The following EML4 variants were observed in gnomAD, a reference collection of about 807,000 sequenced individuals.
EML4 encodes echinoderm microtubule-associated protein-like 4.
Under a neutral mutation model 129.0 loss-of-function variants are expected in EML4, and 72 were observed. That is an observed-to-expected ratio of 0.56 (90% CI 0.46 to 0.68). EML4 has a LOEUF of 0.68. EML4 is among the 30% of genes least tolerant of loss of function. The pLI, the probability that EML4 is intolerant of heterozygous loss-of-function variation, is 0.00. For synonymous variants in EML4, 532 were observed against 405.0 expected (o/e 1.31, Z -3.77); for missense variants, 1,363 against 1,190.6 (o/e 1.14, Z -2.13).
chr2:42,307,356 G>A (rs1668666380), intron 17 of EML4, among the ~76,000 whole-genome samples: 1 of 152,230 alleles, frequency 6.6e-6, no homozygotes, highest in African/African-American at 2.4e-5. Context: ...CTTCATGAGA[G>A]TGATGTGATA....
chr2:42,328,101 A>T (rs986849796), intron 21 of EML4, among the ~76,000 whole-genome samples: 1 of 152,212 alleles, frequency 6.6e-6, no homozygotes, highest in Non-Finnish European at 1.5e-5. Context: ...ATTTTAATGA[A>T]GACATTATTT....
intron 10 of EML4, among the ~76,000 whole-genome samples, chr2:42,286,815 G>A (rs1198383252): frequency 1.3e-5 from 2 of 152,184 alleles, no homozygotes; most frequent in Admixed American, 1.3e-4. Flanking sequence ...TCATATTTGA[G>A]CAGCAGAAAC....
chr2:42,240,504 G>T (rs184371008), intron 1 of EML4, among the ~76,000 whole-genome samples: 1 of 152,180 alleles, frequency 6.6e-6, no homozygotes, highest in Non-Finnish European at 1.5e-5. Context: ...CAATTATTCA[G>T]TACATATTGT....
chr2:42,194,045 C>T (rs973677743), intron 1 of EML4, among the ~76,000 whole-genome samples: 2 of 152,124 alleles, frequency 1.3e-5, no homozygotes, highest in Non-Finnish European at 2.9e-5. Context: ...CAGAATTTCC[C>T]TTTTACCATT....
intron 1 of EML4, among the ~76,000 whole-genome samples, chr2:42,225,041 C>G (rs1388903456): frequency 6.6e-6 from 1 of 152,110 alleles, no homozygotes; most frequent in East Asian, 1.9e-4. Flanking sequence ...TTTTACTTAG[C>G]ATAATGTTTT....
At chr2:42,175,182 G>C (rs1670529258) in intron 1 of EML4, among the ~76,000 whole-genome samples, 2 of 151,656 alleles carry the variant, frequency 1.3e-5, no homozygotes, top group South Asian at 4.2e-4. Flanking sequence ...GCACCATGTT[G>C]GCTCACTGCA....
intron 1 of EML4, among the ~76,000 whole-genome samples, chr2:42,220,928 C>G (rs1234512680): frequency 1.3e-5 from 2 of 152,200 alleles, no homozygotes; most frequent in African/African-American, 4.8e-5. Context: ...GGCTCTAACT[C>G]TCTTCATTTC....
chr2:42,254,152 G>A (rs1234311040), intron 2 of EML4, among the ~76,000 whole-genome samples: 1 of 152,132 alleles, frequency 6.6e-6, no homozygotes, highest in Non-Finnish European at 1.5e-5. Context: ...TAAAAGAACG[G>A]TAAAAATGCC....
chr2:42,291,548 C>T (rs541458390), intron 11 of EML4, among the ~76,000 whole-genome samples: 45 of 151,946 alleles, frequency 3.0e-4, no homozygotes, highest in Non-Finnish European at 5.0e-4. Flanking sequence ...GGATTACAGG[C>T]GTGTGCCACC....
At chr2:42,239,833 C>T (rs1674904765) in intron 1 of EML4, among the ~76,000 whole-genome samples, 1 of 151,898 alleles carries the variant, frequency 6.6e-6, no homozygotes, top group African/African-American at 2.4e-5. Context: ...ATGTTAATAG[C>T]CCTCAGAAAA....
At chr2:42,286,449 G>A (rs1667313190) in intron 10 of EML4, 70 bp downstream of exon 10, 1 of 918,844 alleles carries the variant, frequency 1.1e-6, no homozygotes. Flanking sequence ...GCTCAGTTTT[G>A]TGTTTATGTG....
intron 6 of EML4, among the ~76,000 whole-genome samples, chr2:42,272,673 TAGTTTAGA>T (rs1666441190): frequency 6.6e-6 from 1 of 152,218 alleles, no homozygotes; most frequent in East Asian, 1.9e-4. Flanking sequence ...TTACATTTTC[TAGTTTAGA>T]TTTTTTTTAA....
At chr2:42,233,204 ATGT>A (rs1674458847) in intron 1 of EML4, among the ~76,000 whole-genome samples, 1 of 151,946 alleles carries the variant, frequency 6.6e-6, no homozygotes, top group South Asian at 2.1e-4. Context: ...TATAGCTGTT[ATGT>A]TGTTAATGTT....
chr2:42,308,703 G>A (rs1375224579), intron 17 of EML4, among the ~76,000 whole-genome samples: 1 of 152,110 alleles, frequency 6.6e-6, no homozygotes, highest in Non-Finnish European at 1.5e-5. Context: ...TTTTAACCCA[G>A]AAAGGAATCC....
chr2:42,205,974 A>G (rs978191318), intron 1 of EML4, among the ~76,000 whole-genome samples: 3 of 151,958 alleles, frequency 2.0e-5, no homozygotes, highest in Non-Finnish European at 2.9e-5. Flanking sequence ...TTCTTTCCCT[A>G]GGACCACTCT....
At chr2:42,195,776 A>G (rs1325514375) in intron 1 of EML4, among the ~76,000 whole-genome samples, 1 of 152,196 alleles carries the variant, frequency 6.6e-6, no homozygotes, top group African/African-American at 2.4e-5. Context: ...TTGCAACACT[A>G]CATATTTACT....
At chr2:42,281,966 A>G (rs1028176736) in intron 7 of EML4, among the ~76,000 whole-genome samples, 1 of 152,184 alleles carries the variant, frequency 6.6e-6, no homozygotes, top group African/African-American at 2.4e-5. Flanking sequence ...TCTGTACAAC[A>G]TATTTTTAAC....
At position 42,221,750 on chromosome 2, in the gene EML4, C is replaced by T. The variant is rs1469899591; in HGVS notation, c.26-23755C>T. On this transcript the variant is annotated intron_variant, in intron 1 of 22. Coordinates refer to ENST00000318522, the MANE Select transcript of EML4 (RefSeq NM_019063.5). ...TCCTCGGTAGCTGGGATTATAGGTG[C>T]CCACTACCACACCCAGCTAGTTTTT... Among the ~76,000 whole-genome samples the T allele has an allele frequency of 1.3e-5, 2 of 151,800 alleles. 1 individual carries two copies. The highest frequency in any genetic ancestry group is 2.9e-5 in the Non-Finnish European group (2 of 67,902).
In EML4 at chr2:42,295,191, G is replaced by GGTA; in HGVS notation, c.1286_1288dup (p.Gly429_Lys430insSer). On this transcript the variant is annotated inframe_insertion, in exon 12 of 23. Coordinates refer to ENST00000318522, the MANE Select transcript of EML4 (RefSeq NM_019063.5). ...AGATGCAAATACCATAATTACATGC[G>GGTA]GTAAATCTCATATTTTCTTCTGGAC... The GGTA allele has an allele frequency of 6.2e-7, 1 of 1,613,014 alleles. No homozygotes were observed. The highest frequency in any genetic ancestry group is 8.5e-7 in the Non-Finnish European group (1 of 1,179,598).
Sources: gnomAD v4.1 joint callset for allele counts (sites outside exome capture counted in the v4.1 genomes callset) on GRCh38, gnomAD v4.1.1 for gene constraint, MANE v1.5 for transcripts, NCBI Gene and HGNC (gene_info 2026-07-23, HGNC 2026-07-21) for gene names.